GFOD1: variants seen among roughly 807,000 people sequenced by gnomAD.
GFOD1 encodes the protein Gfo/Idh/MocA-like oxidoreductase domain containing 1, also known as glucose-fructose oxidoreductase domain-containing protein 1.
Under a neutral mutation model 25.4 loss-of-function variants are expected in GFOD1, and 9 were observed. The ratio of observed to expected loss-of-function variants is 0.35; its 90% CI spans 0.21 to 0.62. The LOEUF (loss-of-function observed/expected upper bound fraction) is 0.62. GFOD1 is among the 20% of genes least tolerant of loss of function. GFOD1 has a pLI of 0.72. For synonymous variants in GFOD1, 253 were observed against 245.6 expected (o/e 1.03, Z -0.28); for missense variants, 403 against 556.9 (o/e 0.72, Z 2.78).
rs2127554156 is a variant in GFOD1 at position 13,364,427 on chromosome 6, C to T, written c.*316G>A. 3.0e-6 allele frequency: 1 copy of T among 330,894 alleles called. No homozygotes were observed. Among genetic ancestry groups the T allele is most frequent in the African/African-American group, 2.1e-5 (1 of 48,252 alleles). 20.5% of individuals were successfully genotyped at this position (330,894 alleles called of 1,614,324 possible). A position where few individuals can be genotyped will look rare whatever the true frequency, so the allele number is the denominator to read the frequency against. ...ATGGATGAGGTAGGGAGGGAAGCAA[C>T]CCCTCCTTGCTTGTCACAGTAAAGG... is the stretch of plus-strand genomic sequence containing the variant. On this transcript the variant is annotated 3_prime_UTR_variant, in exon 2 of 2. Coordinates refer to ENST00000379287, the MANE Select transcript of GFOD1 (RefSeq NM_018988.4). This position sits in a 1 kb window ranked among gnomAD's most constrained non-coding sequence, Gnocchi z 4.1.
chr6:13,386,795 T>C (rs1408678530), intron 1 of GFOD1, among the ~76,000 whole-genome samples: 2 of 152,188 alleles, frequency 1.3e-5, no homozygotes, highest in Admixed American at 6.5e-5. Context: ...CATTTCCTCA[T>C]TGGCAAAGCG....
chr6:13,396,760 C>A (rs1785740824), intron 1 of GFOD1, among the ~76,000 whole-genome samples: 1 of 152,078 alleles, frequency 6.6e-6, no homozygotes, highest in Non-Finnish European at 1.5e-5. Flanking sequence ...ATACAGGCAG[C>A]TTCTAGAAGC....
intron 1 of GFOD1, among the ~76,000 whole-genome samples, chr6:13,376,209 G>A (rs1231827676): frequency 3.9e-5 from 6 of 152,182 alleles, no homozygotes; most frequent in Non-Finnish European, 7.3e-5. Flanking sequence ...GAGGTGGGAC[G>A]GGGGCAAGAG....
Position 13,409,183 on chromosome 6 carries a change from G to GAGAGAA in GFOD1, c.254-43522_254-43521insTTCTCT, listed in dbSNP as rs1554201917. Among the ~76,000 whole-genome samples the GAGAGAA allele has an allele frequency of 6.9e-4, 36 of 52,010 alleles. 4 individuals carry two copies. Among genetic ancestry groups the GAGAGAA allele is most frequent in the African/African-American group, 1.4e-3 (33 of 23,012 alleles). The allele number at this position is 52,010 out of a possible 152,430, so 34.1% of individuals were successfully genotyped here. A position where few individuals can be genotyped will look rare whatever the true frequency, so the allele number is the denominator to read the frequency against. ...GAAAGAAAGGAAAGAGAGAGAGAGAGAGAAAGAAAGAAAGAAAGAGAAAGA... is the reference window on the plus strand; with the variant it reads ...GAAAGAAAGGAAAGAGAGAGAGAGAGAGAGAAAGAAAGAAAGAAAGAAAGAGAAAGA... On this transcript the variant is annotated intron_variant, in intron 1 of 1. Coordinates refer to ENST00000379287, the MANE Select transcript of GFOD1 (RefSeq NM_018988.4).
At chr6:13,470,521 C>A in intron 1 of GFOD1, 1 of 1,549,834 alleles carries the variant, frequency 6.5e-7, no homozygotes, top group East Asian at 2.4e-5. Flanking sequence ...ACAAATGTCC[C>A]ATGTGGGGGT....
chr6:13,359,414 T>A lies in GFOD1; in HGVS notation c.*5329A>T, dbSNP rs1784914480. On this transcript the variant is annotated 3_prime_UTR_variant, in exon 2 of 2. Transcript: ENST00000379287. ...AAAAACGTAGGCGGTGGTGGAGCAG[T>A]AGGCGGTGTCAAGGCTAGATTTGTA... 1 of 152,110 alleles carries A rather than the reference T, an allele frequency of 6.6e-6. No individual in the cohort carries two copies. The highest frequency in any genetic ancestry group is 6.6e-5 in the Admixed American group (1 of 15,264). 9.4% of individuals were successfully genotyped at this position (152,110 alleles called of 1,614,324 possible).
Position 13,388,670 on chromosome 6 carries a change from A to G in GFOD1, c.254-23008T>C, listed in dbSNP as rs1785523950. On this transcript the variant is annotated intron_variant, in intron 1 of 1. Coordinates refer to ENST00000379287, the MANE Select transcript of GFOD1 (RefSeq NM_018988.4). ...AAAACCATAAAAACACTAGAAGAAAACCTAGGCAATACCATTCAGGACACA... is the reference window on the plus strand; with the variant it reads ...AAAACCATAAAAACACTAGAAGAAAGCCTAGGCAATACCATTCAGGACACA... Among the ~76,000 whole-genome samples the G allele has an allele frequency of 2.0e-5, 3 of 152,206 alleles. No individual in the cohort carries two copies. In the South Asian group the frequency reaches 6.2e-4, roughly 32 times the overall value.
intron 1 of GFOD1, among the ~76,000 whole-genome samples, chr6:13,412,471 G>C (rs557275880): frequency 1.3e-5 from 2 of 152,206 alleles, no homozygotes; most frequent in Non-Finnish European, 2.9e-5. Flanking sequence ...AGGCCACCCA[G>C]CGTAAACAGC....
intron 1 of GFOD1, among the ~76,000 whole-genome samples, chr6:13,399,971 C>A (rs1376686098): frequency 6.6e-6 from 1 of 152,106 alleles, no homozygotes; most frequent in Non-Finnish European, 1.5e-5. Context: ...TTTGGGGAAG[C>A]CAATACATCA....
At position 13,408,295 on chromosome 6, in the gene GFOD1, C is replaced by T. The variant is rs1050111899; in HGVS notation, c.254-42633G>A. On this transcript the variant is annotated intron_variant, in intron 1 of 1. Coordinates refer to ENST00000379287, the MANE Select transcript of GFOD1 (RefSeq NM_018988.4). Reference sequence around the variant, plus strand: ...CCTCGCTTTGCCTAACTCAATTTTCCGCACAATATAGCAAGCTCCTTATCT... The same window carrying T: ...CCTCGCTTTGCCTAACTCAATTTTCTGCACAATATAGCAAGCTCCTTATCT... Among the ~76,000 whole-genome samples, 15 of 152,224 alleles carry T rather than the reference C, an allele frequency of 9.9e-5. 1 individual carries two copies. The highest frequency in any genetic ancestry group is 1.6e-4 in the Non-Finnish European group (11 of 68,042).
At chr6:13,475,924 A>G (rs905208273) in intron 1 of GFOD1, among the ~76,000 whole-genome samples, 3 of 152,238 alleles carry the variant, frequency 2.0e-5, no homozygotes, top group East Asian at 3.9e-4. Flanking sequence ...ACTATCTCAA[A>G]AAAAAGACTG....
chr6:13,422,383 C>T (rs1051953461), intron 1 of GFOD1, among the ~76,000 whole-genome samples: 11 of 152,158 alleles, frequency 7.2e-5, no homozygotes, highest in African/African-American at 1.9e-4. Flanking sequence ...CCATCCACCC[C>T]GTGGAGGAAA....
intron 1 of GFOD1, among the ~76,000 whole-genome samples, chr6:13,377,850 A>G (rs558648810): frequency 6.6e-6 from 1 of 152,262 alleles, no homozygotes; most frequent in South Asian, 2.1e-4. Flanking sequence ...TTTGTTTCTG[A>G]GTTCCTTCAG....
intron 1 of GFOD1, among the ~76,000 whole-genome samples, chr6:13,419,569 G>A (rs889012973): frequency 9.9e-5 from 15 of 152,026 alleles, no homozygotes; most frequent in African/African-American, 2.7e-4. Context: ...CCTGCTACCC[G>A]CCTTCCGATG....
intron 1 of GFOD1, among the ~76,000 whole-genome samples, chr6:13,413,619 C>T (rs1053282823): frequency 1.3e-5 from 2 of 152,126 alleles, no homozygotes; most frequent in African/African-American, 4.8e-5. Context: ...TATGAGCATT[C>T]CCTGGCCAAG....
Position 13,363,111 on chromosome 6 carries a change from G to A in GFOD1, c.*1632C>T, listed in dbSNP as rs1447154677. 6.6e-6 allele frequency: 1 copy of A among 152,202 alleles called. No individual in the cohort carries two copies. Among genetic ancestry groups the A allele is most frequent in the Admixed American group, 6.5e-5 (1 of 15,282 alleles). The allele number at this position is 152,202 out of a possible 1,614,324, so 9.4% of individuals were successfully genotyped here. A position where few individuals can be genotyped will look rare whatever the true frequency, so the allele number is the denominator to read the frequency against. ...CAAAGATAACAAAGGATAATTCCCT[G>A]TTCTCTGAATGCACTTGATTGGCTC... On this transcript the variant is annotated 3_prime_UTR_variant, in exon 2 of 2. Coordinates refer to ENST00000379287, the MANE Select transcript of GFOD1 (RefSeq NM_018988.4).
chr6:13,448,076 G>A (rs1758035974), intron 1 of GFOD1, among the ~76,000 whole-genome samples: 1 of 152,136 alleles, frequency 6.6e-6, no homozygotes, highest in Non-Finnish European at 1.5e-5. Context: ...GGGATGGAGG[G>A]GGCACTCGTG....
intron 1 of GFOD1, among the ~76,000 whole-genome samples, chr6:13,427,650 C>CAA (rs111705734): frequency 9.4e-5 from 14 of 149,190 alleles, no homozygotes; most frequent in African/African-American, 3.2e-4. Flanking sequence ...GAGCCTGTCT[C>CAA]AAAAAAAAAG....
At position 13,486,632 on chromosome 6, in the gene GFOD1, G is replaced by A. The variant is rs776006472; in HGVS notation, c.253+6C>T. 1 of 1,613,226 alleles carries A rather than the reference G, an allele frequency of 6.2e-7. No homozygotes were observed. The highest frequency in any genetic ancestry group is 1.1e-5 in the South Asian group (1 of 91,040). The stretch of plus-strand genomic sequence containing the variant: ...GGACGGAGGATGCGGGGTAGGGGTC[G>A]CTCACCTAGGGTTTTGACAGCGATC... On this transcript the variant is annotated splice_donor_region_variant and intron_variant, in intron 1 of 1. Transcript: ENST00000379287.
Sources: allele counts gnomAD v4.1 joint callset (sites outside exome capture counted in the v4.1 genomes callset), GRCh38; gene constraint gnomAD v4.1.1; non-coding constraint Gnocchi (gnomAD v3.1); transcripts MANE v1.5; gene names NCBI Gene and HGNC (gene_info 2026-07-23, HGNC 2026-07-21).